Variants in SERP2 observed in about 807,000 individuals in gnomAD.
The protein encoded by SERP2 is stress associated endoplasmic reticulum protein family member 2.
SERP2 carries 6 observed loss-of-function variants against 9.1 expected under a neutral mutation model. That is an observed-to-expected ratio of 0.66 (90% CI 0.36 to 1.30). The LOEUF (loss-of-function observed/expected upper bound fraction) is 1.30, where lower values mean the gene tolerates loss of function less well. Among genes scored for constraint, SERP2 ranks in the 50% most tolerant of loss-of-function variants. SERP2 has a pLI of 0.03. For synonymous variants in SERP2, 37 were observed against 27.3 expected (o/e 1.35, Z -1.10); for missense variants, 58 against 81.9 (o/e 0.71, Z 1.13).
chr13:44,391,192 G>A (rs1039501248), intron 2 of SERP2: 3 of 152,154 alleles, frequency 2.0e-5, no homozygotes, highest in Admixed American at 1.3e-4. Context: ...TAGCTGGGGA[G>A]GGTCAGTCCC....
At chr13:44,383,581 TTC>T (rs1281820846) in intron 2 of SERP2, among the ~76,000 whole-genome samples, 1 of 136,990 alleles carries the variant, frequency 7.3e-6, no homozygotes, top group African/African-American at 2.7e-5. Context: ...CAGAGTCTCG[TTC>T]TATTGACAGG....
In SERP2 at chr13:44,374,119, G is replaced by A. The variant is rs1871477470; in HGVS notation, c.84+10G>A. Reference sequence around the variant, plus strand: ...CGTAGCCAAAACCCTGGTAAGGCGGGGTCGGCGCCGGCCAGGCAGAGCCCT... The same window carrying A: ...CGTAGCCAAAACCCTGGTAAGGCGGAGTCGGCGCCGGCCAGGCAGAGCCCT... On this transcript the variant is annotated intron_variant, in intron 1 of 2. Coordinates refer to ENST00000379179, the MANE Select transcript of SERP2 (RefSeq NM_001010897.3). 2 of 1,558,016 alleles carry A rather than the reference G, an allele frequency of 1.3e-6. No homozygotes were observed. Among genetic ancestry groups the A allele is most frequent in the African/African-American group, 1.4e-5 (1 of 70,420 alleles).
At chr13:44,396,033 C>A in intron 2 of SERP2, 1 of 263,110 alleles carries the variant, frequency 3.8e-6, no homozygotes, top group Non-Finnish European at 7.7e-6. Flanking sequence ...TGACACTGAA[C>A]ACTCATGAAA....
chr13:44,392,977 C>A (rs1049588375), intron 2 of SERP2, among the ~76,000 whole-genome samples: 10 of 151,968 alleles, frequency 6.6e-5, no homozygotes, highest in African/African-American at 2.4e-4. Flanking sequence ...GAGGAAAGAT[C>A]CAAGAGAAGG....
chr13:44,373,798 GA>G, upstream of SERP2: 1 of 483,854 alleles, frequency 2.1e-6, no homozygotes. The surrounding 1 kb of genome is among the most constrained non-coding windows in gnomAD (Gnocchi z 4.8). Flanking sequence ...GAGGAAGTCG[GA>G]AAGGGTTTCC....
At chr13:44,383,549 T>G (rs201517891) in intron 2 of SERP2, among the ~76,000 whole-genome samples, 4 of 133,476 alleles carry the variant, frequency 3.0e-5, no homozygotes, top group Non-Finnish European at 3.2e-5. Context: ...TTTGCGTTTT[T>G]TTTGTTTTTT....
At position 44,389,763 on chromosome 13, in the gene SERP2, T is replaced by C. The variant is rs191290788; in HGVS notation, c.158-7509T>C. Among the ~76,000 whole-genome samples, 409 of 152,274 alleles carry C rather than the reference T, an allele frequency of 2.7e-3. 4 individuals carry two copies. The highest frequency in any genetic ancestry group is 9.1e-3 in the African/African-American group (377 of 41,558). On this transcript the variant is annotated intron_variant, in intron 2 of 2. Transcript: ENST00000379179. ...TCTGCAGGGATAGCTAGAACCTCTC[T>C]AAGTCTAGAAAGAATTCTTTATAAA...
At chr13:44,392,990 G>A (rs1277669696) in intron 2 of SERP2, among the ~76,000 whole-genome samples, 1 of 151,876 alleles carries the variant, frequency 6.6e-6, no homozygotes, top group Non-Finnish European at 1.5e-5. Context: ...AGAGAAGGAG[G>A]AAAATTAGAA....
chr13:44,393,201 G>A (rs1872885719), intron 2 of SERP2, among the ~76,000 whole-genome samples: 1 of 152,314 alleles, frequency 6.6e-6, no homozygotes, highest in East Asian at 1.9e-4. Context: ...GGACTGACAT[G>A]AGAATAGCAG....
intron 2 of SERP2, chr13:44,395,918 G>A (rs1490748448): frequency 4.5e-6 from 2 of 448,378 alleles, no homozygotes; most frequent in South Asian, 1.6e-5. Flanking sequence ...AGAAATGGGA[G>A]CCCAGAAGTG....
chr13:44,396,141 G>A (rs963318643), intron 2 of SERP2: 8 of 188,624 alleles, frequency 4.2e-5, no homozygotes, highest in African/African-American at 1.9e-4. Flanking sequence ...ATGCATTCAT[G>A]TTTGTCTACT....
chr13:44,375,243 A>G (rs1314659786), intron 1 of SERP2, among the ~76,000 whole-genome samples: 1 of 152,110 alleles, frequency 6.6e-6, no homozygotes, highest in Non-Finnish European at 1.5e-5. Context: ...GCAAAAAGCT[A>G]GATCTGTAAT....
At chr13:44,395,232 G>T (rs1873019941) in intron 2 of SERP2, among the ~76,000 whole-genome samples, 1 of 152,124 alleles carries the variant, frequency 6.6e-6, no homozygotes, top group Non-Finnish European at 1.5e-5. Flanking sequence ...GAGCCTTGGT[G>T]GGGAGGAAAG....
intron 2 of SERP2, among the ~76,000 whole-genome samples, chr13:44,383,600 T>G (rs570441299): frequency 2.0e-4 from 27 of 138,094 alleles, no homozygotes; most frequent in Admixed American, 4.2e-4. Flanking sequence ...CAGGCTGGAG[T>G]GCAGTGGCGC....
chr13:44,379,618 T>TA, intron 1 of SERP2, 23 bp from the exon 2 acceptor site: 1 of 1,581,332 alleles, frequency 6.3e-7, no homozygotes, highest in South Asian at 1.1e-5. Flanking sequence ...AACCTAATCT[T>TA]ACTTTTTCCC....
chr13:44,374,787 G>C (rs1871548269), intron 1 of SERP2, among the ~76,000 whole-genome samples: 1 of 152,042 alleles, frequency 6.6e-6, no homozygotes, highest in African/African-American at 2.4e-5. Flanking sequence ...CTCTCTTCCA[G>C]CGAGACCTCC....
chr13:44,385,792 G>A (rs971770569), intron 2 of SERP2, among the ~76,000 whole-genome samples: 2 of 152,136 alleles, frequency 1.3e-5, no homozygotes, highest in African/African-American at 4.8e-5. Flanking sequence ...CTCCCAAGGT[G>A]TCCTGGCATT....
At chr13:44,374,238 G>C in intron 1 of SERP2, 129 bp downstream of exon 1, 1 of 616,092 alleles carries the variant, frequency 1.6e-6, no homozygotes. Flanking sequence ...CCCCTTCTGC[G>C]GGGTCCTGCA....
intron 2 of SERP2, among the ~76,000 whole-genome samples, chr13:44,395,118 A>G (rs915449939): frequency 6.6e-6 from 1 of 152,258 alleles, no homozygotes; most frequent in Non-Finnish European, 1.5e-5. Flanking sequence ...AGTCTGAGGC[A>G]TGGTAGAAGT....
Sources: gnomAD v4.1 joint callset for allele counts (sites outside exome capture counted in the v4.1 genomes callset) on GRCh38, gnomAD v4.1.1 for gene constraint, Gnocchi (gnomAD v3.1) non-coding constraint, MANE v1.5 for transcripts, NCBI Gene and HGNC (gene_info 2026-07-23, HGNC 2026-07-21) for gene names.